TAFA1: variants seen among roughly 807,000 people sequenced by gnomAD.
The protein encoded by TAFA1 is chemokine-like protein TAFA-1.
In TAFA1, 4 loss-of-function variants were observed where a neutral mutation model predicts 18.5. That is an observed-to-expected ratio of 0.22 (90% CI 0.11 to 0.49). The LOEUF (loss-of-function observed/expected upper bound fraction) is 0.49. TAFA1 is among the 20% of genes least tolerant of loss of function. TAFA1 has a pLI of 0.98. For missense variants in TAFA1, 147 were observed against 169.0 expected, an observed-to-expected ratio of 0.87 and a Z score of 0.72; for synonymous variants, 56 against 55.2, an observed-to-expected ratio of 1.01 and a Z score of -0.06.
Position 68,049,895 on chromosome 3 carries a change from C to G in TAFA1, c.118+43151C>G, listed in dbSNP as rs867215668. On this transcript the variant is annotated intron_variant, in intron 2 of 4. Coordinates refer to ENST00000478136, the MANE Select transcript of TAFA1 (RefSeq NM_213609.4). ...ATGTTGTTCATGATTATGCGTTTAT[C>G]CTGCTTTGTAGAGAAAGGGGAACAG... 2.6e-5 allele frequency among the ~76,000 whole-genome samples: 4 copies of G among 152,052 alleles called. No homozygotes were observed. The South Asian group carries it at 6.2e-4, about 24-fold the overall frequency.
At chr3:68,266,469 G>C (rs1483876332) in intron 2 of TAFA1, among the ~76,000 whole-genome samples, 1 of 152,080 alleles carries the variant, frequency 6.6e-6, no homozygotes, top group Non-Finnish European at 1.5e-5. Flanking sequence ...CATGATACTG[G>C]CATTTGGTTT....
intron 2 of TAFA1, among the ~76,000 whole-genome samples, chr3:68,007,964 G>T (rs1704395291): frequency 6.6e-6 from 1 of 152,218 alleles, no homozygotes; most frequent in South Asian, 2.1e-4. Context: ...CCTCCCGCGC[G>T]CCTGCACCAG....
chr3:68,487,651 G>C (rs1275937545), intron 3 of TAFA1, among the ~76,000 whole-genome samples: 6 of 151,438 alleles, frequency 4.0e-5, no homozygotes, highest in African/African-American at 7.3e-5. Flanking sequence ...ACTCGGGAGG[G>C]TGAGGCAGGA....
chr3:68,532,692 A>C (rs1273356617), intron 3 of TAFA1, among the ~76,000 whole-genome samples: 1 of 152,104 alleles, frequency 6.6e-6, no homozygotes, highest in South Asian at 2.1e-4. Context: ...TAGCATTGAT[A>C]TTAGCTCATT....
At position 68,074,447 on chromosome 3, in the gene TAFA1, T is replaced by C. The variant is rs182826140; in HGVS notation, c.118+67703T>C. Among the ~76,000 whole-genome samples the C allele has an allele frequency of 2.5e-3, 376 of 152,290 alleles. 4 individuals carry two copies. The highest frequency in any genetic ancestry group is 8.7e-3 in the African/African-American group (361 of 41,556). ...AAATTCCTGAGGTTGTATCCCAGTG[T>C]AACTATTTCCTGCTCTATGACCTTG... On this transcript the variant is annotated intron_variant, in intron 2 of 4. Coordinates refer to ENST00000478136, the MANE Select transcript of TAFA1 (RefSeq NM_213609.4).
chr3:68,237,986 T>A (rs530915763), intron 2 of TAFA1, among the ~76,000 whole-genome samples: 1 of 152,104 alleles, frequency 6.6e-6, no homozygotes, highest in South Asian at 2.1e-4. Context: ...TTGCTTTTTG[T>A]TATTTTTTTT....
At chr3:68,458,116 AT>A (rs1443460198) in intron 3 of TAFA1, among the ~76,000 whole-genome samples, 2 of 151,926 alleles carry the variant, frequency 1.3e-5, no homozygotes, top group East Asian at 3.9e-4. Context: ...ATGGAGGTGG[AT>A]TTTCCCTTTG....
At chr3:68,084,670 C>T (rs1264271840) in intron 2 of TAFA1, among the ~76,000 whole-genome samples, 4 of 151,850 alleles carry the variant, frequency 2.6e-5, no homozygotes, top group Non-Finnish European at 5.9e-5. Flanking sequence ...CGGTGGCAGG[C>T]GGCTGTGATC....
chr3:68,319,446 G>T (rs1359687871), intron 2 of TAFA1, among the ~76,000 whole-genome samples: 1 of 152,090 alleles, frequency 6.6e-6, no homozygotes, highest in African/African-American at 2.4e-5. Context: ...GCATCTAGTG[G>T]GTAGAAGCCA....
intron 2 of TAFA1, among the ~76,000 whole-genome samples, chr3:68,131,760 C>G (rs926475327): frequency 2.0e-5 from 3 of 152,176 alleles, no homozygotes; most frequent in African/African-American, 7.2e-5. Context: ...AGCCCAAGAG[C>G]CTCGCTGGGA....
Position 68,498,721 on chromosome 3 carries a change from GCTTTT to G in TAFA1, c.260-40034_260-40030del, listed in dbSNP as rs1457434558. Among the ~76,000 whole-genome samples, 298 of 101,646 alleles carry G rather than the reference GCTTTT, an allele frequency of 2.9e-3. 18 individuals are homozygous for G. Among genetic ancestry groups the G allele is most frequent in the Middle Eastern group, 6.0e-3 (1 of 168 alleles). The allele number at this position is 101,646 out of a possible 152,430, so 66.7% of individuals were successfully genotyped here. On this transcript the variant is annotated intron_variant, in intron 3 of 4. Transcript: ENST00000478136. Reference sequence around the variant, plus strand: ...AAATTCCTCCCAAAGCCGTTTGGTGGCTTTTTTTTTTTTTTTTTTTTTTTTTTTTT... The same window carrying G: ...AAATTCCTCCCAAAGCCGTTTGGTGGTTTTTTTTTTTTTTTTTTTTTTTTT...
the TAFA1 span, among the ~76,000 whole-genome samples, chr3:67,996,747 C>T: frequency 5.3e-5 from 8 of 151,354 alleles, no homozygotes; most frequent in East Asian, 1.9e-4. Context: ...TGCAGTGAGC[C>T]GAGGTCACTG....
chr3:68,316,249 C>T (rs559931438), intron 2 of TAFA1, among the ~76,000 whole-genome samples: 2 of 152,112 alleles, frequency 1.3e-5, no homozygotes, highest in South Asian at 4.1e-4. Flanking sequence ...TGGATAATAC[C>T]CAGGGGGTGA....
intron 2 of TAFA1, among the ~76,000 whole-genome samples, chr3:68,309,863 A>T (rs2068485813): frequency 6.6e-6 from 1 of 152,152 alleles, no homozygotes; most frequent in Non-Finnish European, 1.5e-5. Context: ...GCAGGATGTT[A>T]GTTCTAGCAG....
intron 3 of TAFA1, among the ~76,000 whole-genome samples, chr3:68,524,263 T>C (rs535335304): frequency 5.3e-5 from 8 of 152,206 alleles, no homozygotes; most frequent in Non-Finnish European, 1.2e-4. Context: ...GACAGGTTTC[T>C]AAAGAGCAGT....
At chr3:68,272,668 C>A (rs1055746941) in intron 2 of TAFA1, among the ~76,000 whole-genome samples, 1 of 152,114 alleles carries the variant, frequency 6.6e-6, no homozygotes, top group Non-Finnish European at 1.5e-5. Context: ...GTTTCCTCAT[C>A]TATGAAAGAA....
intron 2 of TAFA1, among the ~76,000 whole-genome samples, chr3:68,347,213 C>A (rs1245833158): frequency 6.6e-6 from 1 of 152,180 alleles, no homozygotes; most frequent in East Asian, 1.9e-4. Flanking sequence ...CTTTAACATA[C>A]TCCGCAAATA....
chr3:68,352,010 A>G (rs1208857995), intron 2 of TAFA1, among the ~76,000 whole-genome samples: 1 of 151,968 alleles, frequency 6.6e-6, no homozygotes, highest in Non-Finnish European at 1.5e-5. Context: ...AGCAGTGTGG[A>G]ATGCTCTATT....
chr3:68,357,544 A>G (rs994781424), intron 2 of TAFA1, among the ~76,000 whole-genome samples: 4 of 151,840 alleles, frequency 2.6e-5, no homozygotes, highest in African/African-American at 9.7e-5. Flanking sequence ...CACCCCTTCT[A>G]TTGTGAAGAT....
Sources: allele counts gnomAD v4.1 joint callset (sites outside exome capture counted in the v4.1 genomes callset), GRCh38; gene constraint gnomAD v4.1.1; transcripts MANE v1.5; gene names NCBI Gene and HGNC (gene_info 2026-07-23, HGNC 2026-07-21).